The following RIMS2 variants were observed in gnomAD, a reference collection of about 807,000 sequenced individuals.
RIMS2 encodes regulating synaptic membrane exocytosis 2.
RIMS2 carries 59 observed loss-of-function variants against 174.4 expected under a neutral mutation model. The observed-to-expected ratio is 0.34, with a 90% CI of 0.27 to 0.42. The LOEUF (loss-of-function observed/expected upper bound fraction) is 0.42, where lower values mean the gene tolerates loss of function less well. Among genes scored for constraint, RIMS2 ranks in the 10% least tolerant of loss-of-function variants. The pLI is 1.00. For missense variants in RIMS2, 1,620 were observed against 1,666.3 expected (o/e 0.97, Z 0.48); for synonymous variants, 606 against 572.5 (o/e 1.06, Z -0.84).
intron 1 of RIMS2, among the ~76,000 whole-genome samples, chr8:103,671,241 C>T (rs917360731): frequency 2.6e-5 from 4 of 152,032 alleles, no homozygotes; most frequent in African/African-American, 7.2e-5. Context: ...CCTCCCAAAA[C>T]GTGGGAATTA....
In RIMS2 at chr8:103,503,459, A is replaced by G. The variant is rs1821630020; in HGVS notation, c.176+2397A>G. Among the ~76,000 whole-genome samples the G allele has an allele frequency of 2.6e-5, 4 of 152,074 alleles. No homozygotes were observed. In the South Asian group the frequency reaches 8.3e-4, roughly 32 times the overall value. On this transcript the variant is annotated intron_variant, in intron 1 of 23. Coordinates refer to ENST00000504942, the Ensembl canonical transcript of RIMS2. ...CAAATACATAAGAAAAATAATACTA[A>G]CGGTCTTCAATGGTTACTATTTCCC... is the stretch of plus-strand genomic sequence containing the variant.
intron 19 of RIMS2, among the ~76,000 whole-genome samples, chr8:104,111,748 T>G (rs1470906329): frequency 6.6e-6 from 1 of 152,132 alleles, no homozygotes; most frequent in African/African-American, 2.4e-5. Context: ...CTTCCAACAA[T>G]ACGTTGGCTT....
At chr8:103,559,241 ATC>A (rs1295697692) in intron 1 of RIMS2, 1 of 187,284 alleles carries the variant, frequency 5.3e-6, no homozygotes, top group Non-Finnish European at 1.1e-5. Flanking sequence ...CTTCTTTTTC[ATC>A]TCTCTCATTG....
At chr8:103,894,483 A>C (rs750218793) in intron 4 of RIMS2, among the ~76,000 whole-genome samples, 4 of 151,652 alleles carry the variant, frequency 2.6e-5, no homozygotes, top group Non-Finnish European at 4.4e-5. Flanking sequence ...AATCTAGTAA[A>C]AACCTAGAAA....
chr8:104,166,257 G>C (rs2098797428), intron 19 of RIMS2, among the ~76,000 whole-genome samples: 2 of 151,284 alleles, frequency 1.3e-5, no homozygotes, highest in Non-Finnish European at 3.0e-5. Flanking sequence ...TAGTAGAGGC[G>C]GGGTTTCACT....
chr8:104,214,812 T>A (rs1253873445), intron 19 of RIMS2, among the ~76,000 whole-genome samples: 1 of 152,190 alleles, frequency 6.6e-6, no homozygotes, highest in Non-Finnish European at 1.5e-5. Context: ...GGTTCCTGAG[T>A]TGGCTACTTT....
chr8:103,737,506 G>A (rs7845768), intron 2 of RIMS2, among the ~76,000 whole-genome samples: 17,276 of 151,794 alleles, frequency 0.11, 1,327 homozygotes, highest in African/African-American at 0.22. Flanking sequence ...TTCTTAATTG[G>A]TCTCTTTGCT....
chr8:104,227,804 ATAAAT>A (rs2099197691), intron 19 of RIMS2, among the ~76,000 whole-genome samples: 1 of 152,202 alleles, frequency 6.6e-6, no homozygotes, highest in Non-Finnish European at 1.5e-5. Flanking sequence ...ATAAAACTGA[ATAAAT>A]TAACTCATCT....
chr8:104,172,314 A>T (rs1002897948), intron 19 of RIMS2, among the ~76,000 whole-genome samples: 2 of 152,138 alleles, frequency 1.3e-5, no homozygotes, highest in African/African-American at 2.4e-5. Context: ...AGTCTGGATC[A>T]TCAGGACTTA....
chr8:103,618,018 T>C (rs13265161), intron 1 of RIMS2, among the ~76,000 whole-genome samples: 27,711 of 152,044 alleles, frequency 0.18, 2,771 homozygotes, highest in African/African-American at 0.26. Flanking sequence ...ATCATTTCAC[T>C]GTAAAGACAC....
chr8:103,759,262 C>T (rs1196140466), intron 2 of RIMS2, among the ~76,000 whole-genome samples: 5 of 152,062 alleles, frequency 3.3e-5, no homozygotes, highest in Admixed American at 3.3e-4. Context: ...GGCAGCGGAT[C>T]ATGATTAAGA....
chr8:103,768,248 CG>C (rs1193278320), intron 3 of RIMS2: 1 of 488,564 alleles, frequency 2.0e-6, no homozygotes, highest in African/African-American at 2.0e-5. Flanking sequence ...GGCTCTTTTT[CG>C]TGGTGCCTTG....
chr8:104,047,161 G>C (rs2096709769), intron 19 of RIMS2, among the ~76,000 whole-genome samples: 3 of 151,960 alleles, frequency 2.0e-5, no homozygotes. Context: ...GCTATTTAGT[G>C]ATTAAGTAAG....
At chr8:103,962,433 A>C (rs1204588195) in intron 15 of RIMS2, among the ~76,000 whole-genome samples, 1 of 152,188 alleles carries the variant, frequency 6.6e-6, no homozygotes, top group African/African-American at 2.4e-5. Flanking sequence ...TCATATGAAA[A>C]ACATTCTTTC....
At chr8:104,060,832 G>T (rs181797743) in intron 19 of RIMS2, among the ~76,000 whole-genome samples, 1,736 of 152,228 alleles carry the variant, frequency 0.011, 25 homozygotes, top group African/African-American at 0.039. Context: ...TATGTACCCA[G>T]TAGTCATTCA....
At chr8:103,609,805 C>T (rs961341598) in intron 1 of RIMS2, among the ~76,000 whole-genome samples, 1 of 152,128 alleles carries the variant, frequency 6.6e-6, no homozygotes, top group African/African-American at 2.4e-5. Context: ...ATTGCCGTGG[C>T]TATTTCTGCT....
intron 19 of RIMS2, among the ~76,000 whole-genome samples, chr8:104,178,129 G>C (rs2098916464): frequency 6.6e-6 from 1 of 152,190 alleles, no homozygotes; most frequent in Admixed American, 6.5e-5. Context: ...TTCAGACACA[G>C]TGTGGCTCAG....
At position 103,540,350 on chromosome 8, in the gene RIMS2, T is replaced by C. The variant is rs983969657; in HGVS notation, c.176+39288T>C. ...CTGAAGACTCCAGTCCTTGCCACCA[T>C]TGTGGCCATCCACAATGTTGGCCGC... On this transcript the variant is annotated intron_variant, in intron 1 of 23. Coordinates refer to ENST00000504942, the Ensembl canonical transcript of RIMS2. 2.6e-5 allele frequency among the ~76,000 whole-genome samples: 4 copies of C among 152,210 alleles called. No homozygotes were observed. In the East Asian group the frequency reaches 5.8e-4, roughly 22 times the overall value.
chr8:103,688,864 T>C (rs911854193), intron 1 of RIMS2, among the ~76,000 whole-genome samples: 1 of 148,622 alleles, frequency 6.7e-6, no homozygotes, highest in Admixed American at 6.7e-5. Context: ...TTTCTGCTGA[T>C]ACGTATTGTT....
Sources: gnomAD v4.1 joint callset for allele counts (sites outside exome capture counted in the v4.1 genomes callset) on GRCh38, gnomAD v4.1.1 for gene constraint, MANE v1.5 for transcripts, NCBI Gene and HGNC (gene_info 2026-07-23, HGNC 2026-07-21) for gene names.